ZNF431: variants seen among roughly 807,000 people sequenced by gnomAD.
ZNF431 encodes the protein zinc finger protein 431.
In ZNF431, 34 loss-of-function variants were observed where a neutral mutation model predicts 57.0. The observed-to-expected ratio is 0.60, with a 90% CI of 0.45 to 0.79. ZNF431 has a LOEUF of 0.79. Among genes scored for constraint, ZNF431 ranks in the 30% least tolerant of loss-of-function variants. The pLI, the probability that ZNF431 is intolerant of heterozygous loss-of-function variation, is 0.00. For missense variants in ZNF431, 607 were observed against 667.1 expected, an observed-to-expected ratio of 0.91 and a Z score of 0.99; for synonymous variants, 207 against 220.3, an observed-to-expected ratio of 0.94 and a Z score of 0.54.
At chr19:21,166,526 G>T (rs1970725726) in intron 3 of ZNF431, 65 bp downstream of exon 3, 2 of 1,513,066 alleles carry the variant, frequency 1.3e-6, no homozygotes, top group Non-Finnish European at 8.9e-7. Flanking sequence ...TTTTTTTGTA[G>T]AATTTTTTTG....
chr19:21,192,583 A>G lies in ZNF431; in HGVS notation c.*8549A>G, dbSNP rs1163362885. ...CTTTTCCTCAATTTGGATGCCTTTG[A>G]TTTTTTTCTCTAATTTCTTTGTCTT... On this transcript the variant is annotated 3_prime_UTR_variant, in exon 5 of 5. Coordinates refer to ENST00000311048, the MANE Select transcript of ZNF431 (RefSeq NM_133473.4). 1 of 151,878 alleles carries G rather than the reference A, an allele frequency of 6.6e-6. No homozygotes were observed. Among genetic ancestry groups the G allele is most frequent in the Non-Finnish European group, 1.5e-5 (1 of 67,964 alleles). 9.4% of individuals were successfully genotyped at this position (151,878 alleles called of 1,614,324 possible).
chr19:21,182,000 G>C (rs1747744634), intron 4 of ZNF431, among the ~76,000 whole-genome samples: 1 of 152,110 alleles, frequency 6.6e-6, no homozygotes, highest in South Asian at 2.1e-4. Flanking sequence ...AATGTGTCTT[G>C]TCTAAAATTT....
intron 4 of ZNF431, among the ~76,000 whole-genome samples, chr19:21,176,542 C>G (rs1971057650): frequency 6.6e-6 from 1 of 151,956 alleles, no homozygotes; most frequent in African/African-American, 2.4e-5. Context: ...TGTGCCCGGC[C>G]TTTGTTCACT....
chr19:21,158,815 A>C (rs933853483), intron 2 of ZNF431, among the ~76,000 whole-genome samples: 5 of 151,920 alleles, frequency 3.3e-5, no homozygotes, highest in Non-Finnish European at 4.4e-5. Context: ...CTTTTATTTT[A>C]ATCTTTTTCC....
In ZNF431 at chr19:21,161,635, C is replaced by G. The variant is rs180832858; in HGVS notation, c.97-4700C>G. 3.3e-5 allele frequency among the ~76,000 whole-genome samples: 5 copies of G among 152,128 alleles called. No homozygotes were observed. In the East Asian group the frequency reaches 9.7e-4, roughly 30 times the overall value. ...TCTACAGAGGGTCCAGTGCCTAACC[C>G]AGGTCTGTTTTGTTTGTTTGTTTGT... On this transcript the variant is annotated intron_variant, in intron 2 of 4. Transcript: ENST00000311048.
At chr19:21,163,481 C>T (rs1970632924) in intron 2 of ZNF431, among the ~76,000 whole-genome samples, 2 of 152,162 alleles carry the variant, frequency 1.3e-5, no homozygotes, top group Non-Finnish European at 2.9e-5. Flanking sequence ...TTTTCCAAAC[C>T]TGCAGATTCA....
At chr19:21,168,579 A>G (rs1970791270) in intron 4 of ZNF431, among the ~76,000 whole-genome samples, 1 of 152,054 alleles carries the variant, frequency 6.6e-6, no homozygotes, top group African/African-American at 2.4e-5. Context: ...TGCTGTTCAG[A>G]CTGGTCTCAA....
At chr19:21,174,796 G>T (rs1412459862) in intron 4 of ZNF431, among the ~76,000 whole-genome samples, 1 of 151,690 alleles carries the variant, frequency 6.6e-6, no homozygotes, top group African/African-American at 2.4e-5. Flanking sequence ...TTTTGAGATG[G>T]CATCTCGCTC....
intron 2 of ZNF431, among the ~76,000 whole-genome samples, chr19:21,164,521 G>A (rs1163295645): frequency 9.9e-5 from 15 of 152,152 alleles, no homozygotes; most frequent in Non-Finnish European, 2.1e-4. Flanking sequence ...GTGTGTGGGC[G>A]TGACACTAGT....
chr19:21,161,387 T>G (rs7258575), intron 2 of ZNF431, among the ~76,000 whole-genome samples: 90,927 of 151,916 alleles, frequency 0.6, 27,688 homozygotes, highest in Middle Eastern at 0.8. Context: ...CAGGAGAATT[T>G]TATTATTATT....
chr19:21,182,567 A>G, intron 4 of ZNF431, 56 bp from the exon 5 acceptor site: 1 of 1,509,808 alleles, frequency 6.6e-7, no homozygotes, highest in Middle Eastern at 1.8e-4. Context: ...AGATTTGTAA[A>G]GTATGTTTAT....
chr19:21,176,858 G>C (rs1365779118), intron 4 of ZNF431, among the ~76,000 whole-genome samples: 2 of 151,828 alleles, frequency 1.3e-5, no homozygotes, highest in African/African-American at 2.4e-5. Context: ...CACCATGCCC[G>C]GCTAATTTTT....
intron 2 of ZNF431, chr19:21,149,871 G>T: frequency 3.1e-6 from 2 of 643,590 alleles, no homozygotes; most frequent in Non-Finnish European, 5.8e-6. Context: ...TGGACTAGAC[G>T]TCCTAGTCTT....
chr19:21,183,266 TG>T lies in ZNF431; in HGVS notation c.965del (p.Gly322AlafsTer43), dbSNP rs978390232. 1.2e-6 allele frequency: 2 copies of T among 1,613,962 alleles called. No individual in the cohort carries two copies. Among genetic ancestry groups the T allele is most frequent in the African/African-American group, 2.7e-5 (2 of 74,936 alleles). The part of the protein sequence containing the change: ...GEKPYKCEEC[G>X]KAFNQSSTLS... ...AGAAGCCCTACAAATGTGAAGAATG[TG>T]GCAAAGCTTTTAACCAGTCTTCAAC... On this transcript the variant is annotated frameshift_variant, in exon 5 of 5. Coordinates refer to ENST00000311048, the MANE Select transcript of ZNF431 (RefSeq NM_133473.4). LOFTEE classifies it high-confidence loss of function.
At chr19:21,154,289 G>A (rs1337625591) in intron 2 of ZNF431, among the ~76,000 whole-genome samples, 1 of 152,008 alleles carries the variant, frequency 6.6e-6, no homozygotes, top group Non-Finnish European at 1.5e-5. Context: ...TTGTCCTTGC[G>A]ATAGTTTGCT....
At chr19:21,164,790 C>A (rs940990676) in intron 2 of ZNF431, among the ~76,000 whole-genome samples, 1 of 151,792 alleles carries the variant, frequency 6.6e-6, no homozygotes, top group East Asian at 1.9e-4. Flanking sequence ...TTAAAAAATT[C>A]TTGTAATAGT....
chr19:21,159,836 A>G (rs1482350016), intron 2 of ZNF431, among the ~76,000 whole-genome samples: 1 of 152,066 alleles, frequency 6.6e-6, no homozygotes, highest in Non-Finnish European at 1.5e-5. Flanking sequence ...TTACTAATTC[A>G]ATTTTGGAAC....
At chr19:21,156,759 T>C (rs1283809343) in intron 2 of ZNF431, among the ~76,000 whole-genome samples, 1 of 152,114 alleles carries the variant, frequency 6.6e-6, no homozygotes, top group African/African-American at 2.4e-5. Context: ...TTGTTTTTTA[T>C]TAAATCTTCT....
intron 4 of ZNF431, among the ~76,000 whole-genome samples, chr19:21,177,163 G>A (rs542517621): frequency 1.3e-5 from 2 of 152,134 alleles, no homozygotes; most frequent in East Asian, 3.9e-4. Context: ...TGTAGTTTTG[G>A]GTTTCACATT....
Sources: gnomAD v4.1 joint callset for allele counts (sites outside exome capture counted in the v4.1 genomes callset) on GRCh38, gnomAD v4.1.1 for gene constraint, MANE v1.5 for transcripts, NCBI Gene and HGNC (gene_info 2026-07-23, HGNC 2026-07-21) for gene names.